The following TMOD2 variants were observed in gnomAD, a reference collection of about 807,000 sequenced individuals.
TMOD2 encodes the protein tropomodulin 2, also known as tropomodulin-2.
A neutral mutation model predicts 39.9 loss-of-function variants in TMOD2; 22 were observed. The observed-to-expected ratio is 0.55, with a 90% CI of 0.39 to 0.79. The LOEUF (loss-of-function observed/expected upper bound fraction) is 0.79. Among genes scored for constraint, TMOD2 ranks in the 30% least tolerant of loss-of-function variants. The pLI is 0.00. For missense variants in TMOD2, 386 were observed against 413.3 expected, an observed-to-expected ratio of 0.93 and a Z score of 0.57; for synonymous variants, 123 against 146.1, an observed-to-expected ratio of 0.84 and a Z score of 1.14.
chr15:51,806,419 A>T lies in TMOD2; in HGVS notation c.919A>T (p.Met307Leu), dbSNP rs2056121786. Reference sequence around the variant, plus strand: ...AGCTGTAGAGATGGAAATTGCCCAGATGCTGGAGGAGAATTCAAGGATCCT... The same window carrying T: ...AGCTGTAGAGATGGAAATTGCCCAGTTGCTGGAGGAGAATTCAAGGATCCT... The part of the protein sequence containing the change: ...GTAVEMEIAQ[M>L]LEENSRILKF... The change falls in exon 9 of 10, where the codon ATG becomes TTG. Residue 307 changes from methionine (M) to leucine (L), a missense_variant. Transcript: ENST00000249700. 6.2e-7 allele frequency: 1 copy of T among 1,614,250 alleles called. No homozygotes were observed. The highest frequency in any genetic ancestry group is 8.5e-7 in the Non-Finnish European group (1 of 1,180,032).
rs72529496 is a variant in TMOD2 at position 51,801,288 on chromosome 15, G to GTCTCTCTC, written c.876+2968_876+2975dup. On this transcript the variant is annotated intron_variant, in intron 8 of 9. Transcript: ENST00000249700. ...ACACACACACACACACACACACCCT[G>GTCTCTCTC]TCTCTCTCTCTCTCTCTCTCTCTCT... is the stretch of plus-strand genomic sequence containing the variant. Among the ~76,000 whole-genome samples the GTCTCTCTC allele has an allele frequency of 3.0e-3, 332 of 111,718 alleles. 2 individuals are homozygous for GTCTCTCTC. The highest frequency in any genetic ancestry group is 0.011 in the African/African-American group (304 of 28,844). The allele number at this position is 111,718 out of a possible 152,430, so 73.3% of individuals were successfully genotyped here. A position where few individuals can be genotyped will look rare whatever the true frequency, so the allele number is the denominator to read the frequency against.
At chr15:51,768,011 C>G (rs1348152595) in intron 2 of TMOD2, among the ~76,000 whole-genome samples, 3 of 152,198 alleles carry the variant, frequency 2.0e-5, no homozygotes. Context: ...GAGGCAGCTT[C>G]AGAAACTCAG....
chr15:51,801,231 T>A (rs879645517), intron 8 of TMOD2, among the ~76,000 whole-genome samples: 3,527 of 96,880 alleles, frequency 0.036, 60 homozygotes, highest in African/African-American at 0.083. Context: ...TCTCTCTCTC[T>A]CTCTCTCACA....
rs1350022960 is a variant in TMOD2 at position 51,813,134 on chromosome 15, G to A, written c.*4680G>A. 6.6e-6 allele frequency: 1 copy of A among 152,222 alleles called. No individual in the cohort carries two copies. The highest frequency in any genetic ancestry group is 2.4e-5 in the African/African-American group (1 of 41,448). 9.4% of individuals were successfully genotyped at this position (152,222 alleles called of 1,614,324 possible). ...TTGGATTTTACTTTGTAGTTCAGGA[G>A]TTAAGAAGTCAAATTGCTGACCGAG... is the stretch of plus-strand genomic sequence containing the variant. On this transcript the variant is annotated 3_prime_UTR_variant, in exon 10 of 10. Transcript: ENST00000249700.
chr15:51,791,683 T>C (rs774866239), intron 7 of TMOD2, among the ~76,000 whole-genome samples: 3 of 152,048 alleles, frequency 2.0e-5, no homozygotes, highest in African/African-American at 4.8e-5. Flanking sequence ...ACAGAACGGA[T>C]GCCTCAGAAA....
At chr15:51,774,379 A>G (rs1174462818) in intron 4 of TMOD2, among the ~76,000 whole-genome samples, 5 of 152,012 alleles carry the variant, frequency 3.3e-5, no homozygotes, top group African/African-American at 1.2e-4. Flanking sequence ...ACCTAGGCCC[A>G]CTCCCATGTC....
rs1399421312 is a variant in TMOD2 at position 51,813,854 on chromosome 15, A to G, written c.*5400A>G. On this transcript the variant is annotated 3_prime_UTR_variant, in exon 10 of 10. Transcript: ENST00000249700. Reference sequence around the variant, plus strand: ...AAGCGCCGTACAAATGTGAGAGATCAGTTTTATTATCAAATCACTGTTTTC... The same window carrying G: ...AAGCGCCGTACAAATGTGAGAGATCGGTTTTATTATCAAATCACTGTTTTC... 6.6e-6 allele frequency: 1 copy of G among 152,242 alleles called. No individual in the cohort carries two copies. The highest frequency in any genetic ancestry group is 1.5e-5 in the Non-Finnish European group (1 of 68,038). 9.4% of individuals were successfully genotyped at this position (152,242 alleles called of 1,614,324 possible).
intron 7 of TMOD2, among the ~76,000 whole-genome samples, chr15:51,785,894 A>G (rs2055966324): frequency 6.6e-6 from 1 of 152,208 alleles, no homozygotes; most frequent in Non-Finnish European, 1.5e-5. Flanking sequence ...GTATCAAAAT[A>G]TTACATACAC....
chr15:51,797,461 A>G (rs2141638595), intron 7 of TMOD2, among the ~76,000 whole-genome samples: 1 of 152,308 alleles, frequency 6.6e-6, no homozygotes, highest in East Asian at 1.9e-4. Context: ...TGCTTGTGCT[A>G]ATTTATCTGT....
In TMOD2 at chr15:51,787,311, G is replaced by A. The variant is rs142703437; in HGVS notation, c.732+4483G>A. 7.8e-3 allele frequency among the ~76,000 whole-genome samples: 1,195 copies of A among 152,308 alleles called. 18 individuals carry two copies. The highest frequency in any genetic ancestry group is 0.027 in the African/African-American group (1,138 of 41,568). On this transcript the variant is annotated intron_variant, in intron 7 of 9. Coordinates refer to ENST00000249700, the MANE Select transcript of TMOD2 (RefSeq NM_014548.4). The stretch of plus-strand genomic sequence containing the variant: ...TCTGCCATTGCTGAGGCTTGAGTTG[G>A]CATTTCTATGCTCACAGTGTAAACA...
rs1555462816 is a variant in TMOD2 at position 51,795,610 on chromosome 15, C to CTTTCTTTCTTTCT, written c.733-2584_733-2572dup. Among the ~76,000 whole-genome samples the CTTTCTTTCTTTCT allele has an allele frequency of 2.2e-3, 269 of 122,762 alleles. 3 individuals are homozygous for CTTTCTTTCTTTCT. The highest frequency in any genetic ancestry group is 7.6e-3 in the African/African-American group (258 of 33,798). The allele number at this position is 122,762 out of a possible 152,430, so 80.5% of individuals were successfully genotyped here. The stretch of plus-strand genomic sequence containing the variant: ...TCTTTCTTTCTTTCTTTCTTTCTTT[C>CTTTCTTTCTTTCT]TTTCTTTCTTTCTTTCTTTCTTTCT... On this transcript the variant is annotated intron_variant, in intron 7 of 9. Transcript: ENST00000249700.
chr15:51,763,270 C>T (rs1360028012), intron 1 of TMOD2, among the ~76,000 whole-genome samples: 3 of 152,178 alleles, frequency 2.0e-5, no homozygotes, highest in Non-Finnish European at 4.4e-5. Context: ...TACTATCATT[C>T]ACATTGTTTT....
chr15:51,808,321 A>G (rs939109728), intron 9 of TMOD2, 99 bp from the exon 10 acceptor site: 1 of 894,314 alleles, frequency 1.1e-6, no homozygotes, highest in African/African-American at 1.7e-5. Flanking sequence ...TGTATCCTCA[A>G]GTGTGTGAGA....
intron 8 of TMOD2, among the ~76,000 whole-genome samples, chr15:51,798,753 C>G (rs931669547): frequency 6.6e-6 from 1 of 152,200 alleles, no homozygotes; most frequent in Non-Finnish European, 1.5e-5. Flanking sequence ...GCAGGGTAGC[C>G]GTGTCCAAAG....
chr15:51,786,595 T>C (rs907537499), intron 7 of TMOD2, among the ~76,000 whole-genome samples: 9 of 152,224 alleles, frequency 5.9e-5, no homozygotes, highest in East Asian at 1.9e-4. Flanking sequence ...AGAAGTTGAA[T>C]GCTGAACTAA....
intron 1 of TMOD2, chr15:51,752,732 A>G (rs1471640364): frequency 6.6e-6 from 1 of 152,250 alleles, no homozygotes; most frequent in African/African-American, 2.4e-5. Flanking sequence ...GTTTAACAGC[A>G]CTACAAAAAG....
chr15:51,780,947 G>A (rs868353582), intron 5 of TMOD2, 97 bp from the exon 6 acceptor site: 5 of 957,820 alleles, frequency 5.2e-6, no homozygotes, highest in African/African-American at 4.9e-5. Flanking sequence ...AGTGTTATTG[G>A]AATCAGCATA....
intron 7 of TMOD2, 109 bp downstream of exon 7, chr15:51,782,937 T>C: frequency 9.9e-7 from 1 of 1,011,972 alleles, no homozygotes; most frequent in Non-Finnish European, 1.5e-6. Context: ...ACTTACCTTC[T>C]ACACAGTTAG....
chr15:51,754,475 A>G (rs1304700805), intron 1 of TMOD2, among the ~76,000 whole-genome samples: 2 of 152,252 alleles, frequency 1.3e-5, no homozygotes, highest in African/African-American at 4.8e-5. Flanking sequence ...CCAGACCACG[A>G]AAACAGAATC....
Sources: gnomAD v4.1 joint callset for allele counts (sites outside exome capture counted in the v4.1 genomes callset) on GRCh38, gnomAD v4.1.1 for gene constraint, MANE v1.5 for transcripts, NCBI Gene and HGNC (gene_info 2026-07-23, HGNC 2026-07-21) for gene names.